Variants in HS6ST3 observed in about 807,000 individuals in gnomAD.
HS6ST3 encodes the protein heparan sulfate 6-O-sulfotransferase 3.
Under a neutral mutation model 36.7 loss-of-function variants are expected in HS6ST3, and 12 were observed. The observed-to-expected ratio is 0.33, with a 90% CI of 0.21 to 0.53. The LOEUF is 0.53. Ranked by LOEUF, HS6ST3 falls within the 20% of genes least tolerant of loss-of-function variation. The pLI is 0.95. For synonymous variants in HS6ST3, 240 were observed against 257.5 expected (o/e 0.93, Z 0.65); for missense variants, 584 against 640.9 (o/e 0.91, Z 0.96).
intron 1 of HS6ST3, among the ~76,000 whole-genome samples, chr13:96,580,556 T>C (rs2056338335): frequency 6.6e-6 from 1 of 152,130 alleles, no homozygotes; most frequent in African/African-American, 2.4e-5. Flanking sequence ...TCTTACTAAT[T>C]ATTTTTTGAC....
intron 1 of HS6ST3, among the ~76,000 whole-genome samples, chr13:96,251,069 C>T (rs2054605692): frequency 1.3e-5 from 2 of 152,166 alleles, no homozygotes; most frequent in African/African-American, 2.4e-5. Context: ...GTAGTATCCT[C>T]ATCTGGCTTT....
intron 1 of HS6ST3, among the ~76,000 whole-genome samples, chr13:96,777,479 G>A (rs1877417367): frequency 6.6e-6 from 1 of 152,168 alleles, no homozygotes; most frequent in Non-Finnish European, 1.5e-5. Flanking sequence ...CTTCAGCAAA[G>A]TCTCAGGATA....
Position 96,358,917 on chromosome 13 carries a change from TAGAG to T in HS6ST3, c.707+267354_707+267357del, listed in dbSNP as rs1416750532. ...CTATCTATCTATCTATCTATCTATC[TAGAG>T]AGAGATGACACAGAGAGCAAATGTG... On this transcript the variant is annotated intron_variant, in intron 1 of 1. Coordinates refer to ENST00000376705, the MANE Select transcript of HS6ST3 (RefSeq NM_153456.4). Among the ~76,000 whole-genome samples the T allele has an allele frequency of 7.4e-4, 110 of 148,888 alleles. 1 individual carries two copies. The highest frequency in any genetic ancestry group is 2.4e-3 in the African/African-American group (98 of 40,084).
At chr13:96,609,136 A>AT (rs929756623) in intron 1 of HS6ST3, among the ~76,000 whole-genome samples, 3 of 151,476 alleles carry the variant, frequency 2.0e-5, no homozygotes, top group Admixed American at 6.6e-5. Flanking sequence ...CGCCCAGCTA[A>AT]TTTTTTTGTA....
At chr13:96,140,215 A>G (rs1173287939) in intron 1 of HS6ST3, among the ~76,000 whole-genome samples, 1 of 152,234 alleles carries the variant, frequency 6.6e-6, no homozygotes, top group Non-Finnish European at 1.5e-5. Context: ...AATGTAAACA[A>G]ACATAAAGGT....
At chr13:96,337,258 T>C (rs2055106471) in intron 1 of HS6ST3, among the ~76,000 whole-genome samples, 1 of 152,160 alleles carries the variant, frequency 6.6e-6, no homozygotes, top group South Asian at 2.1e-4. Context: ...AGTAGAGACG[T>C]GGTTTCAGTG....
intron 1 of HS6ST3, among the ~76,000 whole-genome samples, chr13:96,234,941 A>G (rs1406217197): frequency 1.3e-5 from 2 of 152,222 alleles, no homozygotes; most frequent in African/African-American, 4.8e-5. Context: ...TGTTGTAGAT[A>G]ATATCTAAAG....
At chr13:96,679,568 G>A (rs1594834390) in intron 1 of HS6ST3, among the ~76,000 whole-genome samples, 1 of 152,132 alleles carries the variant, frequency 6.6e-6, no homozygotes, top group Admixed American at 6.5e-5. Flanking sequence ...CAGCCCGAAA[G>A]TAATTGCCCA....
intron 1 of HS6ST3, among the ~76,000 whole-genome samples, chr13:96,676,697 A>T (rs1310925655): frequency 1.3e-5 from 2 of 152,030 alleles, no homozygotes; most frequent in Non-Finnish European, 2.9e-5. Context: ...CTAAGTCATA[A>T]TTTTCTAAAT....
chr13:96,430,634 G>A (rs1040066679), intron 1 of HS6ST3, among the ~76,000 whole-genome samples: 2 of 152,098 alleles, frequency 1.3e-5, no homozygotes, highest in African/African-American at 4.8e-5. Context: ...TTACCACCTG[G>A]ACTTCCAGCC....
chr13:96,357,865 A>G (rs926853362), intron 1 of HS6ST3, among the ~76,000 whole-genome samples: 1 of 152,190 alleles, frequency 6.6e-6, no homozygotes. Context: ...GAGCCAAAAC[A>G]ATTACAATAG....
intron 1 of HS6ST3, among the ~76,000 whole-genome samples, chr13:96,645,625 A>G (rs569006356): frequency 2.6e-5 from 4 of 151,950 alleles, no homozygotes; most frequent in Admixed American, 2.6e-4. Context: ...AAAAAATCAA[A>G]CATATTTAAT....
chr13:96,132,973 T>C (rs1218031432), intron 1 of HS6ST3, among the ~76,000 whole-genome samples: 1 of 151,174 alleles, frequency 6.6e-6, no homozygotes. Context: ...TTTAATCGGG[T>C]TATTTGTTTT....
chr13:96,831,954 C>CAAAAAAAAAAAAAAAAAAAAAA lies in HS6ST3; in HGVS notation c.708-531_708-510dup, dbSNP rs35266831. ...TGGGTGACAGAGCAAGACTCCCTCT[C>CAAAAAAAAAAAAAAAAAAAAAA]AAAAAAAAAAAAAAAAAAAAAAAAA... On this transcript the variant is annotated intron_variant, in intron 1 of 1. Transcript: ENST00000376705. Among the ~76,000 whole-genome samples the CAAAAAAAAAAAAAAAAAAAAAA allele has an allele frequency of 5.5e-4, 12 of 21,856 alleles. 2 individuals are homozygous for CAAAAAAAAAAAAAAAAAAAAAA. The highest frequency in any genetic ancestry group is 1.4e-3 in the East Asian group (1 of 698). The allele number at this position is 21,856 out of a possible 152,430, so 14.3% of individuals were successfully genotyped here.
At chr13:96,155,692 G>A (rs1447031573) in intron 1 of HS6ST3, among the ~76,000 whole-genome samples, 5 of 152,054 alleles carry the variant, frequency 3.3e-5, no homozygotes, top group Admixed American at 1.3e-4. Flanking sequence ...AGCTTCCATG[G>A]CCAACAACTT....
chr13:96,360,587 G>A (rs1157574733), intron 1 of HS6ST3, among the ~76,000 whole-genome samples: 1 of 148,536 alleles, frequency 6.7e-6, no homozygotes, highest in Non-Finnish European at 1.5e-5. Flanking sequence ...AAACATTACG[G>A]TTGTTTTGAA....
intron 1 of HS6ST3, among the ~76,000 whole-genome samples, chr13:96,340,717 A>G (rs1000248048): frequency 2.0e-5 from 3 of 152,248 alleles, no homozygotes; most frequent in Non-Finnish European, 2.9e-5. Context: ...CTGCCTGGGC[A>G]TTGCCATGCG....
intron 1 of HS6ST3, among the ~76,000 whole-genome samples, chr13:96,636,253 C>A (rs2056549480): frequency 6.6e-6 from 1 of 152,190 alleles, no homozygotes. Flanking sequence ...ACAGCAAGCA[C>A]TGCCATCTGA....
intron 1 of HS6ST3, among the ~76,000 whole-genome samples, chr13:96,828,419 T>A (rs537538451): frequency 6.6e-6 from 1 of 151,834 alleles, no homozygotes; most frequent in Non-Finnish European, 1.5e-5. Flanking sequence ...TGGTGTGTAT[T>A]TTTTTTTAAT....
Sources: gnomAD v4.1 joint callset for allele counts (sites outside exome capture counted in the v4.1 genomes callset) on GRCh38, gnomAD v4.1.1 for gene constraint, MANE v1.5 for transcripts, NCBI Gene and HGNC (gene_info 2026-07-23, HGNC 2026-07-21) for gene names.